Variants in DLG2 observed in about 807,000 individuals in gnomAD.
DLG2 encodes discs large MAGUK scaffold protein 2.
DLG2 carries 45 observed loss-of-function variants against 132.5 expected under a neutral mutation model. That is an observed-to-expected ratio of 0.34 (90% CI 0.27 to 0.44). The LOEUF is 0.44. DLG2 is among the 20% of genes least tolerant of loss of function. The pLI, the probability that DLG2 is intolerant of heterozygous loss-of-function variation, is 1.00. For missense variants in DLG2, 1,045 were observed against 1,196.9 expected, an observed-to-expected ratio of 0.87 and a Z score of 1.87; for synonymous variants, 424 against 419.6, an observed-to-expected ratio of 1.01 and a Z score of -0.13.
At chr11:85,421,517 C>A in intron 3 of DLG2, among the ~76,000 whole-genome samples, 1 of 150,878 alleles carries the variant, frequency 6.6e-6, no homozygotes, top group Non-Finnish European at 1.5e-5. Context: ...CCTGAAATGT[C>A]TTTTTTCACC....
intron 6 of DLG2, among the ~76,000 whole-genome samples, chr11:84,965,277 T>TTGTG (rs779891711): frequency 1.6e-4 from 24 of 151,016 alleles, no homozygotes; most frequent in African/African-American, 5.6e-4. Flanking sequence ...GGCTGGGTTT[T>TTGTG]TGTGTGTGTG....
intron 22 of DLG2, 81 bp downstream of exon 22, chr11:83,484,048 G>C: frequency 8.8e-7 from 1 of 1,141,058 alleles, no homozygotes. Context: ...TGTGGCGTGG[G>C]AGAGCCTACA....
chr11:84,486,722 A>G (rs1353240510), intron 7 of DLG2, among the ~76,000 whole-genome samples: 2 of 152,106 alleles, frequency 1.3e-5, no homozygotes, highest in African/African-American at 2.4e-5. Flanking sequence ...TTTCCTCATC[A>G]TTGGCTTAAA....
chr11:85,564,028 T>C (rs1232298686), intron 3 of DLG2, among the ~76,000 whole-genome samples: 1 of 152,096 alleles, frequency 6.6e-6, no homozygotes, highest in East Asian at 1.9e-4. Context: ...TAATTTGCAT[T>C]TTCTTAATGT....
chr11:85,623,320 T>C (rs2081851669), intron 2 of DLG2, among the ~76,000 whole-genome samples: 1 of 152,138 alleles, frequency 6.6e-6, no homozygotes, highest in Admixed American at 6.5e-5. Flanking sequence ...ATTTTTTTTT[T>C]TTTGAGACGA....
chr11:85,309,749 C>T (rs526990), intron 3 of DLG2, among the ~76,000 whole-genome samples: 131,362 of 152,096 alleles, frequency 0.86, 57,290 homozygotes, highest in Non-Finnish European at 0.93. Context: ...GTTCTCTCCA[C>T]CTGAAAATTT....
At chr11:84,652,645 A>G (rs1375105647) in intron 6 of DLG2, among the ~76,000 whole-genome samples, 1 of 152,228 alleles carries the variant, frequency 6.6e-6, no homozygotes, top group Non-Finnish European at 1.5e-5. Flanking sequence ...AAAAATAGAC[A>G]TGCCAAGAAA....
At chr11:85,261,652 G>T (rs1272447804) in intron 4 of DLG2, among the ~76,000 whole-genome samples, 1 of 152,164 alleles carries the variant, frequency 6.6e-6, no homozygotes, top group East Asian at 1.9e-4. Flanking sequence ...ATTCATAAAG[G>T]TAGCAGGCAT....
intron 15 of DLG2, among the ~76,000 whole-genome samples, chr11:83,879,933 C>T (rs1372707876): frequency 6.6e-6 from 1 of 152,024 alleles, no homozygotes; most frequent in Non-Finnish European, 1.5e-5. Flanking sequence ...ACTACCTAAG[C>T]TATGTTTGGA....
At chr11:84,595,667 T>G (rs2099555021) in intron 6 of DLG2, among the ~76,000 whole-genome samples, 1 of 152,196 alleles carries the variant, frequency 6.6e-6, no homozygotes, top group South Asian at 2.1e-4. Context: ...GTTATTACTG[T>G]TTCATTTCTT....
intron 6 of DLG2, among the ~76,000 whole-genome samples, chr11:85,087,890 G>GGACACT (rs1458431469): frequency 6.7e-6 from 1 of 148,868 alleles, no homozygotes; most frequent in Admixed American, 6.7e-5. Context: ...AGGGATTTGA[G>GGACACT]GACACTGTGT....
chr11:83,718,825 T>C (rs142178863), intron 18 of DLG2, among the ~76,000 whole-genome samples: 136 of 152,270 alleles, frequency 8.9e-4, no homozygotes, highest in African/African-American at 3.2e-3. Flanking sequence ...AAGGAGCAAC[T>C]GGGTTCTAAT....
intron 10 of DLG2, among the ~76,000 whole-genome samples, chr11:84,075,032 C>A (rs2096808638): frequency 6.6e-6 from 1 of 152,150 alleles, no homozygotes. Flanking sequence ...TTGTGCCCTA[C>A]ATACCTAGCT....
At chr11:84,302,741 A>G (rs985130350) in intron 7 of DLG2, among the ~76,000 whole-genome samples, 1 of 152,204 alleles carries the variant, frequency 6.6e-6, no homozygotes, top group African/African-American at 2.4e-5. Flanking sequence ...TAAAATATTC[A>G]GTTTTAAACT....
At chr11:84,839,439 A>G (rs976785340) in intron 6 of DLG2, among the ~76,000 whole-genome samples, 4 of 152,134 alleles carry the variant, frequency 2.6e-5, no homozygotes, top group African/African-American at 7.2e-5. Flanking sequence ...TATAGATTCA[A>G]TGCCATCCCC....
chr11:84,458,625 ACT>A (rs1491494190), intron 7 of DLG2, among the ~76,000 whole-genome samples: 1 of 150,662 alleles, frequency 6.6e-6, no homozygotes, highest in African/African-American at 2.4e-5. Flanking sequence ...AAATATAATA[ACT>A]TTTTTTATTT....
In DLG2 at chr11:83,737,707, A is replaced by T. The variant is rs923143827; in HGVS notation, c.1825+48983T>A. 2.6e-5 allele frequency among the ~76,000 whole-genome samples: 4 copies of T among 152,332 alleles called. No individual in the cohort carries two copies. The South Asian group carries it at 8.3e-4, about 32-fold the overall frequency. On this transcript the variant is annotated intron_variant, in intron 18 of 27. Transcript: ENST00000376104. ...GGTGGCTCACGCCTGTAATCCCAGC[A>T]CTTTGGGAGGCCAAGGCAGGTGGAT...
At chr11:83,656,506 T>C (rs2072497449) in intron 18 of DLG2, among the ~76,000 whole-genome samples, 1 of 152,144 alleles carries the variant, frequency 6.6e-6, no homozygotes, top group Admixed American at 6.5e-5. Context: ...AGTAGAACAC[T>C]TGGGGAAGCA....
intron 7 of DLG2, among the ~76,000 whole-genome samples, chr11:84,516,313 A>T (rs61897753): frequency 0.1 from 15,416 of 151,514 alleles, 945 homozygotes; most frequent in African/African-American, 0.18. Flanking sequence ...AAATATATAA[A>T]ATTGACAAAC....
Sources: allele counts gnomAD v4.1 joint callset (sites outside exome capture counted in the v4.1 genomes callset), GRCh38; gene constraint gnomAD v4.1.1; transcripts MANE v1.5; gene names NCBI Gene and HGNC (gene_info 2026-07-23, HGNC 2026-07-21).